The following POGZ variants were observed in gnomAD, a reference collection of about 807,000 sequenced individuals.
The protein encoded by POGZ is pogo transposable element derived with ZNF domain.
A neutral mutation model predicts 134.6 loss-of-function variants in POGZ; 17 were observed. The ratio of observed to expected loss-of-function variants is 0.13; its 90% CI spans 0.09 to 0.19. The LOEUF (loss-of-function observed/expected upper bound fraction) is 0.19. Among genes scored for constraint, POGZ ranks in the 10% least tolerant of loss-of-function variants. The pLI is 1.00. For synonymous variants in POGZ, 693 were observed against 657.1 expected (o/e 1.05, Z -0.84); for missense variants, 1,306 against 1,769.7 (o/e 0.74, Z 4.70).
rs567300938 is a variant in POGZ at position 151,403,644 on chromosome 1, T to C, written c.*1158A>G. ...AAATAAAGATTCATGTCATTTTCTT[T>C]GTGCACACCCCTGTGCGCTTCTTCC... On this transcript the variant is annotated 3_prime_UTR_variant, in exon 19 of 19. Coordinates refer to ENST00000271715, the MANE Select transcript of POGZ (RefSeq NM_015100.4). 4.9e-5 allele frequency: 48 copies of C among 985,822 alleles called. No homozygotes were observed. In the African/African-American group the frequency reaches 8.2e-4, roughly 17 times the overall value. The allele number at this position is 985,822 out of a possible 1,614,324, so 61.1% of individuals were successfully genotyped here. A position where few individuals can be genotyped will look rare whatever the true frequency, so the allele number is the denominator to read the frequency against.
rs923196184 is a variant in POGZ at position 151,404,532 on chromosome 1, TAAA to T, written c.*267_*269del. 5.2e-5 allele frequency: 45 copies of T among 858,218 alleles called. No homozygotes were observed. The highest frequency in any genetic ancestry group is 6.1e-5 in the Non-Finnish European group (42 of 690,122). The allele number at this position is 858,218 out of a possible 1,614,324, so 53.2% of individuals were successfully genotyped here. A position where few individuals can be genotyped will look rare whatever the true frequency, so the allele number is the denominator to read the frequency against. Reference sequence around the variant, plus strand: ...AATACCAAACACAGTGATTTAAATTTAAAAAAAAAAAAAGTCACAAAAACCTGT... The same window carrying T: ...AATACCAAACACAGTGATTTAAATTTAAAAAAAAAAGTCACAAAAACCTGT... On this transcript the variant is annotated 3_prime_UTR_variant, in exon 19 of 19. Transcript: ENST00000271715.
In POGZ at chr1:151,408,249, G is replaced by GAAAAAA; in HGVS notation, c.2235-15_2235-10dup. 2 of 1,228,928 alleles carry GAAAAAA rather than the reference G, an allele frequency of 1.6e-6. No homozygotes were observed. Among genetic ancestry groups the GAAAAAA allele is most frequent in the Admixed American group, 2.3e-5 (1 of 43,646 alleles). The allele number at this position is 1,228,928 out of a possible 1,614,324, so 76.1% of individuals were successfully genotyped here. On this transcript the variant is annotated splice_polypyrimidine_tract_variant and intron_variant, in intron 14 of 18. Transcript: ENST00000271715. ...GCCGGCCCATGACACTCCTGTGGGG[G>GAAAAAA]AAAAAAAAAAAGAATTCTCATTACT...
intron 10 of POGZ, among the ~76,000 whole-genome samples, chr1:151,419,047 G>GA (rs1049818487): frequency 8.4e-6 from 1 of 118,832 alleles, no homozygotes; most frequent in East Asian, 2.8e-4. Flanking sequence ...AAAAAAAAAA[G>GA]AAAAAAAGAA....
In POGZ at chr1:151,403,526, A is replaced by G. The variant is rs1653062496; in HGVS notation, c.*1276T>C. ...GCTCCTTTTCTCTGTACGGTACAGT[A>G]CGTTTTGGTTTACAACCATGAGTAC... On this transcript the variant is annotated 3_prime_UTR_variant, in exon 19 of 19. Coordinates refer to ENST00000271715, the MANE Select transcript of POGZ (RefSeq NM_015100.4). The G allele has an allele frequency of 5.1e-6, 5 of 985,568 alleles. No individual in the cohort carries two copies. The highest frequency in any genetic ancestry group is 6.0e-6 in the Non-Finnish European group (5 of 829,658). The allele number at this position is 985,568 out of a possible 1,614,324, so 61.1% of individuals were successfully genotyped here. A position where few individuals can be genotyped will look rare whatever the true frequency, so the allele number is the denominator to read the frequency against.
At chr1:151,447,443 A>G (rs932600334) in intron 1 of POGZ, among the ~76,000 whole-genome samples, 1 of 151,956 alleles carries the variant, frequency 6.6e-6, no homozygotes, top group African/African-American at 2.4e-5. Context: ...ATATCTAGTC[A>G]TTATCCCAAT....
chr1:151,428,518 C>G (rs1465539049), intron 5 of POGZ, 105 bp from the exon 6 acceptor site: 7 of 981,656 alleles, frequency 7.1e-6, no homozygotes, highest in Non-Finnish European at 1.1e-5. Flanking sequence ...GATGGATGAT[C>G]ATCAGAGGTT....
At chr1:151,439,992 A>G (rs1463846880) in intron 3 of POGZ, among the ~76,000 whole-genome samples, 1 of 152,210 alleles carries the variant, frequency 6.6e-6, no homozygotes, top group Non-Finnish European at 1.5e-5. Flanking sequence ...GACTATTAAA[A>G]TAAGATATTC....
chr1:151,445,605 AT>A (rs955904229), intron 1 of POGZ, among the ~76,000 whole-genome samples: 4 of 64,404 alleles, frequency 6.2e-5, no homozygotes, highest in African/African-American at 1.5e-4. Context: ...AATATTTTTC[AT>A]TTTTTTTTAA....
rs980134328 is a variant in POGZ at position 151,403,336 on chromosome 1, G to GA, written c.*1465dup. 74 of 984,772 alleles carry GA rather than the reference G, an allele frequency of 7.5e-5. No homozygotes were observed. The highest frequency in any genetic ancestry group is 8.6e-5 in the Non-Finnish European group (71 of 829,316). 61.0% of individuals were successfully genotyped at this position (984,772 alleles called of 1,614,324 possible). A position where few individuals can be genotyped will look rare whatever the true frequency, so the allele number is the denominator to read the frequency against. On this transcript the variant is annotated 3_prime_UTR_variant, in exon 19 of 19. Coordinates refer to ENST00000271715, the MANE Select transcript of POGZ (RefSeq NM_015100.4). ...AAAGCCTATTAAACAGGGTCACCTAGAAAAAAAACAAGTTTATAAATCCAT... is the reference window on the plus strand; with the variant it reads ...AAAGCCTATTAAACAGGGTCACCTAGAAAAAAAAACAAGTTTATAAATCCAT...
At chr1:151,408,317 C>T (rs977784478) in intron 14 of POGZ, 77 bp from the exon 15 acceptor site, 4 of 1,577,740 alleles carry the variant, frequency 2.5e-6, no homozygotes, top group Non-Finnish European at 3.4e-6. Context: ...GACAACAAAC[C>T]CTGCTAAAAA....
In POGZ at chr1:151,425,007, G is replaced by C. The variant is rs1657533494; in HGVS notation, c.1133C>G (p.Pro378Arg). The C allele has an allele frequency of 6.3e-7, 1 of 1,598,900 alleles. No homozygotes were observed. The highest frequency in any genetic ancestry group is 1.7e-5 in the Admixed American group (1 of 59,158). ...AACACGAAATTGAGCATTACATCGT[G>C]GACATATTTTCCGTCCACCATCCTG... ...DLQDGGRKIC[P>R]RCNAQFRVTE... The change falls in exon 8 of 19, where the codon CCA becomes CGA. Residue 378 changes from proline to arginine, a missense_variant. Pro to Arg is a moderately radical substitution (Grantham distance 103, BLOSUM62 -2). Coordinates refer to ENST00000271715, the MANE Select transcript of POGZ (RefSeq NM_015100.4).
At chr1:151,437,557 G>A (rs1239877935) in intron 3 of POGZ, among the ~76,000 whole-genome samples, 4 of 152,144 alleles carry the variant, frequency 2.6e-5, no homozygotes, top group Non-Finnish European at 5.9e-5. Context: ...ATTGAGACCA[G>A]CCTGGCCAAC....
At chr1:151,458,700 C>G (rs1426216781) in intron 1 of POGZ, among the ~76,000 whole-genome samples, 3 of 145,682 alleles carry the variant, frequency 2.1e-5, no homozygotes, top group East Asian at 4.0e-4. Context: ...CCGCCCCCGC[C>G]CCTTCCCCAG....
intron 17 of POGZ, 92 bp from the exon 18 acceptor site, chr1:151,406,723 A>C: frequency 1.7e-6 from 2 of 1,163,400 alleles, no homozygotes; most frequent in Non-Finnish European, 2.5e-6. Context: ...CTACATACAA[A>C]TACGCTGTTC....
chr1:151,430,921 T>G lies in POGZ; in HGVS notation c.284-80A>C, dbSNP rs6685639. 3,668 of 571,342 alleles carry G rather than the reference T, an allele frequency of 6.4e-3. 118 individuals carry two copies. The African/African-American group carries it at 0.069, about 11-fold the overall frequency. The allele number at this position is 571,342 out of a possible 1,614,324, so 35.4% of individuals were successfully genotyped here. On this transcript the variant is annotated intron_variant, in intron 3 of 18. Coordinates refer to ENST00000271715, the MANE Select transcript of POGZ (RefSeq NM_015100.4). The stretch of plus-strand genomic sequence containing the variant: ...ACATTTTACTTTATTTTATTTTATT[T>G]TATTTTATTTTATTTTATTTTATTT...
intron 12 of POGZ, among the ~76,000 whole-genome samples, 190 bp from the exon 13 acceptor site, chr1:151,409,018 T>C (rs1400819182): frequency 6.6e-6 from 1 of 152,160 alleles, no homozygotes; most frequent in Non-Finnish European, 1.5e-5. Context: ...TCACCTCCCA[T>C]GATATCAAAG....
chr1:151,442,358 A>C (rs953550279), intron 1 of POGZ, 153 bp from the exon 2 acceptor site: 4 of 509,430 alleles, frequency 7.9e-6, no homozygotes, highest in East Asian at 3.3e-5. Context: ...CCAAGGGTTC[A>C]GAATTACAAC....
At chr1:151,425,225 G>T (rs1300578153) in intron 7 of POGZ, 164 bp from the exon 8 acceptor site, 2 of 488,914 alleles carry the variant, frequency 4.1e-6, no homozygotes, top group African/African-American at 3.9e-5. Flanking sequence ...TTTGAGACAC[G>T]GTCTCTCAGT....
chr1:151,459,104 C>G (rs1257861072), intron 1 of POGZ, 48 bp downstream of exon 1: 9 of 151,154 alleles, frequency 6.0e-5, no homozygotes, highest in Non-Finnish European at 3.0e-5. Flanking sequence ...ATAACGGAAC[C>G]CCCGGGAGCA....
Sources: gnomAD v4.1 joint callset for allele counts (sites outside exome capture counted in the v4.1 genomes callset) on GRCh38, gnomAD v4.1.1 for gene constraint, MANE v1.5 for transcripts, NCBI Gene and HGNC (gene_info 2026-07-23, HGNC 2026-07-21) for gene names.